The following AIM2 variants were observed in gnomAD, a reference collection of about 807,000 sequenced individuals.
The protein encoded by AIM2 is absent in melanoma 2.
AIM2 carries 30 observed loss-of-function variants against 27.7 expected under a neutral mutation model. That is an observed-to-expected ratio of 1.08 (90% CI 0.81 to 1.47). The LOEUF is 1.47. Among genes scored for constraint, AIM2 ranks in the 40% most tolerant of loss-of-function variants. AIM2 has a pLI of 0.00. For missense variants in AIM2, 358 were observed against 411.3 expected (o/e 0.87, Z 1.12); for synonymous variants, 141 against 145.3 (o/e 0.97, Z 0.21).
chr1:159,131,096 C>G (rs997423310), intron 1 of AIM2, among the ~76,000 whole-genome samples: 1 of 152,120 alleles, frequency 6.6e-6, no homozygotes, highest in African/African-American at 2.4e-5. Context: ...GTGAACCCTC[C>G]ATAATGTGTT....
chr1:159,121,220 G>A (rs889243260), intron 1 of AIM2, among the ~76,000 whole-genome samples: 1 of 152,162 alleles, frequency 6.6e-6, no homozygotes, highest in Non-Finnish European at 1.5e-5. Flanking sequence ...GTGATGGGAA[G>A]CATTGAGGGA....
At chr1:159,060,656 T>G (rs949565986), downstream of AIM2, among the ~76,000 whole-genome samples, 1 of 152,226 alleles carries the variant, frequency 6.6e-6, no homozygotes, top group African/African-American at 2.4e-5. Flanking sequence ...AAAATGTATG[T>G]AGAATTTTGA....
At chr1:159,109,797 T>C (rs1009619543) in intron 1 of AIM2, among the ~76,000 whole-genome samples, 1 of 151,680 alleles carries the variant, frequency 6.6e-6, no homozygotes, top group African/African-American at 2.4e-5. Flanking sequence ...CCAACAAACA[T>C]ATGAAAAAAT....
intron 1 of AIM2, among the ~76,000 whole-genome samples, chr1:159,096,831 T>C (rs899668303): frequency 6.6e-6 from 1 of 151,982 alleles, no homozygotes. Context: ...TCCCTGAGGG[T>C]GAAGGATGAT....
At chr1:159,090,455 G>A (rs1201405282) in intron 1 of AIM2, among the ~76,000 whole-genome samples, 2 of 152,186 alleles carry the variant, frequency 1.3e-5, no homozygotes, top group Admixed American at 1.3e-4. Context: ...CATACTGCTA[G>A]AAAGCGTGTG....
upstream of AIM2, among the ~76,000 whole-genome samples, chr1:159,144,283 C>T (rs551258230): frequency 9.9e-5 from 15 of 152,266 alleles, no homozygotes; most frequent in Middle Eastern, 3.4e-3. Flanking sequence ...AAATGCCCCC[C>T]ACCAACAAGT....
intron 1 of AIM2, among the ~76,000 whole-genome samples, chr1:159,105,640 A>G (rs1318079028): frequency 6.6e-6 from 1 of 152,134 alleles, no homozygotes; most frequent in East Asian, 1.9e-4. Context: ...CTTAGCAGAG[A>G]GGAGACCCAG....
At chr1:159,111,312 C>T (rs936966451) in intron 1 of AIM2, among the ~76,000 whole-genome samples, 4 of 152,094 alleles carry the variant, frequency 2.6e-5, no homozygotes, top group African/African-American at 9.7e-5. Flanking sequence ...AATAACCTGG[C>T]GTAGGGTCTA....
intron 1 of AIM2, among the ~76,000 whole-genome samples, chr1:159,104,866 C>T (rs145981154): frequency 1.1e-4 from 17 of 152,202 alleles, no homozygotes; most frequent in South Asian, 4.1e-4. Context: ...GGGCCTTTTA[C>T]GAAAAATGGG....
At position 159,063,683 on chromosome 1, in the gene AIM2, G is replaced by A. The variant is rs566686486; in HGVS notation, c.817-9C>T. Reference sequence around the variant, plus strand: ...TTCTTCTTTTCTGTTACCTATAAAAGAAAATCAACACCCAGCCTCTGATAA... The same window carrying A: ...TTCTTCTTTTCTGTTACCTATAAAAAAAAATCAACACCCAGCCTCTGATAA... On this transcript the variant is annotated splice_polypyrimidine_tract_variant and intron_variant, in intron 4 of 5. Transcript: ENST00000368130. 9 of 1,610,000 alleles carry A rather than the reference G, an allele frequency of 5.6e-6. No individual in the cohort carries two copies. In the South Asian group the frequency reaches 1.0e-4, roughly 18 times the overall value.
chr1:159,111,526 G>A (rs951608215), intron 1 of AIM2, among the ~76,000 whole-genome samples: 36 of 152,050 alleles, frequency 2.4e-4, no homozygotes, highest in Non-Finnish European at 2.6e-4. Flanking sequence ...AACTACATCC[G>A]GAAGCAATTT....
At chr1:159,138,244 A>C (rs1648048229) in intron 1 of AIM2, among the ~76,000 whole-genome samples, 1 of 152,116 alleles carries the variant, frequency 6.6e-6, no homozygotes, top group Non-Finnish European at 1.5e-5. Context: ...AACTCTTCCC[A>C]TCACTCCCTC....
At chr1:159,066,454 T>TA in intron 3 of AIM2, 125 bp from the exon 4 acceptor site, 6 of 968,302 alleles carry the variant, frequency 6.2e-6, no homozygotes, top group Non-Finnish European at 9.1e-6. Flanking sequence ...AGGGAAGAGA[T>TA]ACAGAGGGGA....
At chr1:159,085,713 T>C (rs1460172178) in intron 1 of AIM2, among the ~76,000 whole-genome samples, 1 of 152,134 alleles carries the variant, frequency 6.6e-6, no homozygotes, top group Non-Finnish European at 1.5e-5. Flanking sequence ...CCAAGCCACG[T>C]AGAGCTCAGA....
At chr1:159,101,826 C>G (rs1053471726) in intron 1 of AIM2, among the ~76,000 whole-genome samples, 51 of 152,226 alleles carry the variant, frequency 3.4e-4, no homozygotes, top group African/African-American at 1.1e-3. Context: ...GGAGAAATTT[C>G]TAAGTGGCAA....
chr1:159,118,208 T>C (rs1647435446), intron 1 of AIM2, among the ~76,000 whole-genome samples: 1 of 152,244 alleles, frequency 6.6e-6, no homozygotes, highest in African/African-American at 2.4e-5. Flanking sequence ...CTGCATGTAG[T>C]TGTTCTATAT....
In AIM2 at chr1:159,126,370, G is replaced by A. The variant is rs530973237; in HGVS notation, c.-16+14061C>T. On this transcript the variant is annotated intron_variant, in intron 1 of 2. Coordinates refer to the AIM2 transcript ENST00000368129. Reference sequence around the variant, plus strand: ...TAATCTAAAATTGATAGAATAGGCCGGGCACGGTGGTTCACGCCTGTAATC... The same window carrying A: ...TAATCTAAAATTGATAGAATAGGCCAGGCACGGTGGTTCACGCCTGTAATC... Among the ~76,000 whole-genome samples the A allele has an allele frequency of 2.8e-4, 42 of 152,172 alleles. 2 individuals carry two copies. In the South Asian group the frequency reaches 5.0e-3, roughly 18 times the overall value.
chr1:159,095,391 G>A (rs986502812), intron 1 of AIM2, among the ~76,000 whole-genome samples: 1 of 152,178 alleles, frequency 6.6e-6, no homozygotes, highest in Non-Finnish European at 1.5e-5. Context: ...GGTAGTGGTT[G>A]CATGTACTTG....
intron 1 of AIM2, among the ~76,000 whole-genome samples, chr1:159,075,534 T>TACACACACACACACAC (rs55988373): frequency 3.1e-5 from 4 of 129,470 alleles, no homozygotes; most frequent in African/African-American, 1.2e-4. Flanking sequence ...ATACCTGCAA[T>TACACACACACACACAC]ACACACACAC....
Sources: allele counts gnomAD v4.1 joint callset (sites outside exome capture counted in the v4.1 genomes callset), GRCh38; gene constraint gnomAD v4.1.1; transcripts MANE v1.5; gene names NCBI Gene and HGNC (gene_info 2026-07-23, HGNC 2026-07-21).